ZNF891: variants seen among roughly 807,000 people sequenced by gnomAD.
ZNF891 encodes the protein zinc finger protein 891, also known as hCG1646157.
For missense variants in ZNF891, 589 were observed against 632.7 expected (o/e 0.93, Z 0.74); for synonymous variants, 199 against 209.0 (o/e 0.95, Z 0.41).
chr12:133,105,359 G>T lies in ZNF891; in HGVS notation c.*14925C>A. The T allele has an allele frequency of 1.4e-6, 1 of 711,464 alleles. No homozygotes were observed. Among genetic ancestry groups the T allele is most frequent in the Non-Finnish European group, 2.3e-6 (1 of 441,654 alleles). The allele number at this position is 711,464 out of a possible 1,614,324, so 44.1% of individuals were successfully genotyped here. A position where few individuals can be genotyped will look rare whatever the true frequency, so the allele number is the denominator to read the frequency against. ...CTGTTTGATCTTTTCTGAAGTTCTG[G>T]GCATACTACTCAGATTTCAGTCACA... On this transcript the variant is annotated 3_prime_UTR_variant, in exon 2 of 2. Coordinates refer to ENST00000537226, the MANE Select transcript of ZNF891 (RefSeq NM_001277291.2).
In ZNF891 at chr12:133,113,320, TAAAA is replaced by T. The variant is rs1252509877; in HGVS notation, c.*6960_*6963del. ...GCTCTGTTCACTAAACTAGACATCT[TAAAA>T]AAAGACAAAAGAAAAAAATTATGAC... On this transcript the variant is annotated 3_prime_UTR_variant, in exon 2 of 2. Transcript: ENST00000537226. 6.6e-6 allele frequency: 1 copy of T among 151,826 alleles called. No homozygotes were observed. Among genetic ancestry groups the T allele is most frequent in the East Asian group, 1.9e-4 (1 of 5,196 alleles). The allele number at this position is 151,826 out of a possible 1,614,324, so 9.4% of individuals were successfully genotyped here.
chr12:133,120,980 T>C lies in ZNF891; in HGVS notation c.939A>G (p.Gln313=), dbSNP rs965035726. The C allele has an allele frequency of 6.5e-7, 1 of 1,535,772 alleles. No individual in the cohort carries two copies. The change falls in exon 2 of 2, where the codon CAA becomes CAG. Residue 313 remains glutamine, a synonymous_variant. Transcript: ENST00000537226. ...ATTCATGTTTCTTTTCAGTATGAGT[T>C]TGTCCTTGTTTCTTAAGGGATGATT... The part of the protein sequence containing the change: ...CHQSSLKKQG[Q]THTEKKHECN...
chr12:133,120,772 T>C lies in ZNF891; in HGVS notation c.1147A>G (p.Lys383Glu). 2 of 1,570,254 alleles carry C rather than the reference T, an allele frequency of 1.3e-6. No individual in the cohort carries two copies. Among genetic ancestry groups the C allele is most frequent in the Non-Finnish European group, 1.7e-6 (2 of 1,158,422 alleles). ...AGGGATGTTTTTTGACTGAAAGCTT[T>C]TCCACATTGATTACATTCATAGGGT... The part of the protein sequence containing the change: ...EKPYECNQCG[K>E]AFSQKTSLKA... The change falls in exon 2 of 2, where the codon AAA becomes GAA. Residue 383 changes from lysine (K) to glutamate (E), a missense_variant. Transcript: ENST00000537226.
chr12:133,117,897 C>T lies in ZNF891; in HGVS notation c.*2387G>A, dbSNP rs1955724263. On this transcript the variant is annotated 3_prime_UTR_variant, in exon 2 of 2. Transcript: ENST00000537226. ...TGTATATGTTTACCTTTTTAGACTT[C>T]ATCTAATTGGATCCCTAAGTAACAC... is the stretch of plus-strand genomic sequence containing the variant. The T allele has an allele frequency of 6.6e-6, 1 of 151,438 alleles. No individual in the cohort carries two copies. The highest frequency in any genetic ancestry group is 2.1e-4 in the South Asian group (1 of 4,790). The allele number at this position is 151,438 out of a possible 1,614,324, so 9.4% of individuals were successfully genotyped here.
Position 133,106,055 on chromosome 12 carries a change from C to T in ZNF891, c.*14229G>A, listed in dbSNP as rs1295763756. On this transcript the variant is annotated 3_prime_UTR_variant, in exon 2 of 2. Coordinates refer to ENST00000537226, the MANE Select transcript of ZNF891 (RefSeq NM_001277291.2). ...AAAGGCCTTTAGCCGTGCCTCCAAC[C>T]TCACTCGACATCAAAGAATTCACAT... The T allele has an allele frequency of 1.9e-6, 3 of 1,614,006 alleles. No homozygotes were observed. The highest frequency in any genetic ancestry group is 2.5e-6 in the Non-Finnish European group (3 of 1,180,018).
Position 133,121,686 on chromosome 12 carries a change from T to C in ZNF891, c.233A>G (p.Asn78Ser). Residue 78 changes from asparagine to serine, a missense_variant, in exon 2 of 2, where the codon AAT (asparagine) becomes AGT (serine). By Grantham distance (46) the Asn-to-Ser change is conservative (BLOSUM62 1). Transcript: ENST00000537226. ...YRDVMLENYR[N>S]LTSVEYQLYR... ...CAACTGATATTCCACGGAGGTGAGATTTCTATAGTTTTCCAACATCACATC... is the reference window on the plus strand; with the variant it reads ...CAACTGATATTCCACGGAGGTGAGACTTCTATAGTTTTCCAACATCACATC... 1.3e-6 allele frequency: 2 copies of C among 1,536,424 alleles called. No individual in the cohort carries two copies. Among genetic ancestry groups the C allele is most frequent in the African/African-American group, 1.4e-5 (1 of 73,150 alleles).
rs1396215682 is a variant in ZNF891 at position 133,121,017 on chromosome 12, GT to G, written c.901del (p.Thr301ArgfsTer63). On this transcript the variant is annotated frameshift_variant, in exon 2 of 2. Coordinates refer to ENST00000537226, the MANE Select transcript of ZNF891 (RefSeq NM_001277291.2). LOFTEE classifies it low-confidence loss of function (END_TRUNC). ...QNACECNKDE[T>X]LCHQSSLKKQ... ...CTTAAGGGATGATTGATGACACAGC[GT>G]TTCATCTTTATTACATTCACAGGCA... is the stretch of plus-strand genomic sequence containing the variant. 2.0e-5 allele frequency: 31 copies of G among 1,535,490 alleles called. No individual in the cohort carries two copies. The African/African-American group carries it at 3.7e-4, about 18-fold the overall frequency.
rs1180402770 is a variant in ZNF891 at position 133,116,581 on chromosome 12, T to G, written c.*3703A>C. On this transcript the variant is annotated 3_prime_UTR_variant, in exon 2 of 2. Coordinates refer to ENST00000537226, the MANE Select transcript of ZNF891 (RefSeq NM_001277291.2). ...CAGACTGCTGGGATTTAACCTATAC[T>G]CCCTCTAAATTTTGTTTTCACTGGT... The G allele has an allele frequency of 6.6e-6, 1 of 152,104 alleles. No individual in the cohort carries two copies. The highest frequency in any genetic ancestry group is 2.4e-5 in the African/African-American group (1 of 41,416). The allele number at this position is 152,104 out of a possible 1,614,324, so 9.4% of individuals were successfully genotyped here.
Position 133,106,322 on chromosome 12 carries a change from A to C in ZNF891, c.*13962T>G, listed in dbSNP as rs1955594208. 1.2e-6 allele frequency: 2 copies of C among 1,614,216 alleles called. No homozygotes were observed. Among genetic ancestry groups the C allele is most frequent in the Non-Finnish European group, 1.7e-6 (2 of 1,180,028 alleles). ...TCACTCATTCCTTATTAAACATCAG[A>C]GAATTCATGCTGGAGAAAAGCTCTA... On this transcript the variant is annotated 3_prime_UTR_variant, in exon 2 of 2. Transcript: ENST00000537226.
Position 133,120,107 on chromosome 12 carries a change from C to A in ZNF891, c.*177G>T. The A allele has an allele frequency of 2.0e-6, 1 of 492,286 alleles. No individual in the cohort carries two copies. Among genetic ancestry groups the A allele is most frequent in the Non-Finnish European group, 3.5e-6 (1 of 284,704 alleles). The allele number at this position is 492,286 out of a possible 1,614,324, so 30.5% of individuals were successfully genotyped here. A position where few individuals can be genotyped will look rare whatever the true frequency, so the allele number is the denominator to read the frequency against. ...ATACCTACCTCACATATTAAAAATA[C>A]CTAATTCTAAACAGCCATGGATCAA... On this transcript the variant is annotated 3_prime_UTR_variant, in exon 2 of 2. Transcript: ENST00000537226.
rs2137615895 is a variant in ZNF891, at chr12:133,118,358, A to G, written c.*1926T>C. ...AATGTATGTCTTCAGGGTAGGTGGCAGACCTTCCCTTTTCATTCTTACTCA... is the reference window on the plus strand; with the variant it reads ...AATGTATGTCTTCAGGGTAGGTGGCGGACCTTCCCTTTTCATTCTTACTCA... On this transcript the variant is annotated 3_prime_UTR_variant, in exon 2 of 2. Coordinates refer to ENST00000537226, the MANE Select transcript of ZNF891 (RefSeq NM_001277291.2). The G allele has an allele frequency of 6.6e-6, 1 of 152,310 alleles. No individual in the cohort carries two copies. The highest frequency in any genetic ancestry group is 3.4e-3 in the Middle Eastern group (1 of 294). The allele number at this position is 152,310 out of a possible 1,614,324, so 9.4% of individuals were successfully genotyped here. A position where few individuals can be genotyped will look rare whatever the true frequency, so the allele number is the denominator to read the frequency against.
chr12:133,121,892 TG>T lies in ZNF891; in HGVS notation c.26del (p.Pro9HisfsTer4). 6.5e-7 allele frequency: 1 copy of T among 1,535,746 alleles called. No individual in the cohort carries two copies. The highest frequency in any genetic ancestry group is 8.7e-7 in the Non-Finnish European group (1 of 1,146,748). MAVMDLSS[P>X]WALTKQDSAC... ...CAGAGTCCTGTTTAGTTAAAGCCCA[TG>T]GGGAGGATAGGTCCATAACTGCCAT... On this transcript the variant is annotated frameshift_variant, in exon 2 of 2. Transcript: ENST00000537226. LOFTEE classifies it low-confidence loss of function (END_TRUNC).
Position 133,105,891 on chromosome 12 carries a change from T to G in ZNF891, c.*14393A>C. On this transcript the variant is annotated 3_prime_UTR_variant, in exon 2 of 2. Coordinates refer to ENST00000537226, the MANE Select transcript of ZNF891 (RefSeq NM_001277291.2). ...ACCTTTAGCCAGATTTCAAACCTTG[T>G]GAAACACCAAATGATACATACTGGA... 1 of 1,614,118 alleles carries G rather than the reference T, an allele frequency of 6.2e-7. No individual in the cohort carries two copies. Among genetic ancestry groups the G allele is most frequent in the South Asian group, 1.1e-5 (1 of 91,078 alleles).
Position 133,120,200 on chromosome 12 carries a change from GTTCT to G in ZNF891, c.*80_*83del. ...AAAGAGCCATTTGTAACCTTAAATC[GTTCT>G]TTTAGAGAACAAAGACTGAGACAAG... On this transcript the variant is annotated 3_prime_UTR_variant, in exon 2 of 2. Transcript: ENST00000537226. The G allele has an allele frequency of 8.7e-7, 1 of 1,147,370 alleles. No individual in the cohort carries two copies. The highest frequency in any genetic ancestry group is 1.9e-5 in the South Asian group (1 of 52,414). 71.1% of individuals were successfully genotyped at this position (1,147,370 alleles called of 1,614,324 possible). A position where few individuals can be genotyped will look rare whatever the true frequency, so the allele number is the denominator to read the frequency against.
rs1955691338 is a variant in ZNF891, at chr12:133,112,699, TAGAGTA to T, written c.*7579_*7584del. Reference sequence around the variant, plus strand: ...TATCCTTCATATTTTGAATTCTGCCTAGAGTAAGAGGAAGTCTAAAAAGTATCCACA... The same window carrying T: ...TATCCTTCATATTTTGAATTCTGCCTAGAGGAAGTCTAAAAAGTATCCACA... On this transcript the variant is annotated 3_prime_UTR_variant, in exon 2 of 2. Transcript: ENST00000537226. The T allele has an allele frequency of 6.6e-6, 1 of 152,246 alleles. No individual in the cohort carries two copies. Among genetic ancestry groups the T allele is most frequent in the African/African-American group, 2.4e-5 (1 of 41,468 alleles). The allele number at this position is 152,246 out of a possible 1,614,324, so 9.4% of individuals were successfully genotyped here. A position where few individuals can be genotyped will look rare whatever the true frequency, so the allele number is the denominator to read the frequency against.
At chr12:133,126,104 A>G (rs1955812407) in intron 1 of ZNF891, among the ~76,000 whole-genome samples, 1 of 152,208 alleles carries the variant, frequency 6.6e-6, no homozygotes, top group African/African-American at 2.4e-5. Context: ...CCTCTATGAA[A>G]TAAGAATACA....
chr12:133,121,498 T>C lies in ZNF891; in HGVS notation c.421A>G (p.Ile141Val), dbSNP rs1168494467. Residue 141 changes from isoleucine to valine, a missense_variant, in exon 2 of 2, where the codon ATA (isoleucine) becomes GTA (valine). Physicochemically the swap from Ile to Val is conservative, Grantham distance 29 (BLOSUM62 3). Coordinates refer to ENST00000537226, the MANE Select transcript of ZNF891 (RefSeq NM_001277291.2). ...WEEPSNAVKM[I>V]KLTMHNWSST... is the part of the protein sequence containing the mutation. ...GACCAATTATGCATTGTGAGTTTTA[T>C]CATTTTCACTGCATTGGATGGTTCC... 1.3e-6 allele frequency: 2 copies of C among 1,536,252 alleles called. No individual in the cohort carries two copies. The highest frequency in any genetic ancestry group is 1.7e-4 in the Middle Eastern group (1 of 5,990).
chr12:133,122,185 C>T (rs1039309132), intron 1 of ZNF891, 161 bp from the exon 2 acceptor site: 93 of 1,151,516 alleles, frequency 8.1e-5, no homozygotes, highest in Middle Eastern at 3.6e-4. Flanking sequence ...TGCAATATAA[C>T]GATCCTTACC....
At position 133,118,359 on chromosome 12, in the gene ZNF891, G is replaced by C. The variant is rs1428494699; in HGVS notation, c.*1925C>G. The C allele has an allele frequency of 6.6e-6, 1 of 152,158 alleles. No individual in the cohort carries two copies. 9.4% of individuals were successfully genotyped at this position (152,158 alleles called of 1,614,324 possible). ...ATGTATGTCTTCAGGGTAGGTGGCA[G>C]ACCTTCCCTTTTCATTCTTACTCAC... is the stretch of plus-strand genomic sequence containing the variant. On this transcript the variant is annotated 3_prime_UTR_variant, in exon 2 of 2. Transcript: ENST00000537226.
Sources: allele counts gnomAD v4.1 joint callset (sites outside exome capture counted in the v4.1 genomes callset), GRCh38; gene constraint gnomAD v4.1.1; transcripts MANE v1.5; gene names NCBI Gene and HGNC (gene_info 2026-07-23, HGNC 2026-07-21).